MEI1: variants seen among roughly 807,000 people sequenced by gnomAD.
The protein encoded by MEI1 is meiosis inhibitor protein 1.
A neutral mutation model predicts 146.2 loss-of-function variants in MEI1; 103 were observed. The observed-to-expected ratio is 0.70, with a 90% CI of 0.60 to 0.83. The LOEUF is 0.83. Ranked by LOEUF, MEI1 falls within the 40% of genes least tolerant of loss-of-function variation. The pLI is 0.00. For synonymous variants in MEI1, 652 were observed against 628.2 expected (o/e 1.04, Z -0.57); for missense variants, 1,529 against 1,533.0 (o/e 1.00, Z 0.04).
chr22:41,699,517 T>C lies in MEI1; in HGVS notation c.-22T>C. 3 of 1,599,066 alleles carry C rather than the reference T, an allele frequency of 1.9e-6. No individual in the cohort carries two copies. Among genetic ancestry groups the C allele is most frequent in the Non-Finnish European group, 2.6e-6 (3 of 1,173,044 alleles). ...AGTCTGCGCGGGAAAGAGTGCCGCCTCAGCTGAGGGCAAGCGAGGAGATGG... is the reference window on the plus strand; with the variant it reads ...AGTCTGCGCGGGAAAGAGTGCCGCCCCAGCTGAGGGCAAGCGAGGAGATGG... On this transcript the variant is annotated 5_prime_UTR_variant, in exon 1 of 31. Coordinates refer to ENST00000401548, the MANE Select transcript of MEI1 (RefSeq NM_152513.4).
chr22:41,794,367 G>T lies in MEI1; in HGVS notation c.3428-4G>T. The T allele has an allele frequency of 1.9e-6, 3 of 1,613,294 alleles. No homozygotes were observed. Among genetic ancestry groups the T allele is most frequent in the Non-Finnish European group, 2.5e-6 (3 of 1,179,250 alleles). The stretch of plus-strand genomic sequence containing the variant: ...AAGCATTAACAACCCAGTGTTTCTT[G>T]AAGCTCTCCACGTGGCCTCCCAGCC... On this transcript the variant is annotated splice_polypyrimidine_tract_variant and splice_region_variant and intron_variant, in intron 27 of 30. Transcript: ENST00000401548.
intron 19 of MEI1, among the ~76,000 whole-genome samples, chr22:41,770,362 T>C (rs1206909240): frequency 6.6e-6 from 1 of 151,990 alleles, no homozygotes; most frequent in Non-Finnish European, 1.5e-5. Context: ...ATCATTCTTG[T>C]GTGATAAGCT....
chr22:41,784,920 T>TTTTA lies in MEI1; in HGVS notation c.3345+141_3345+144dup, dbSNP rs1163694143. On this transcript the variant is annotated intron_variant, in intron 26 of 30. Coordinates refer to ENST00000401548, the MANE Select transcript of MEI1 (RefSeq NM_152513.4). ...TTTTTAAAAAAATTATTTCTATTAT[T>TTTTA]TTTATTTTATTTATTTATTTATTTA... 3.2e-5 allele frequency: 13 copies of TTTTA among 403,172 alleles called. No individual in the cohort carries two copies. In the South Asian group the frequency reaches 3.9e-4, roughly 12 times the overall value. The allele number at this position is 403,172 out of a possible 1,614,324, so 25.0% of individuals were successfully genotyped here.
chr22:41,778,586 A>T (rs2075591089), intron 21 of MEI1, 122 bp from the exon 22 acceptor site: 2 of 671,712 alleles, frequency 3.0e-6, no homozygotes, highest in Non-Finnish European at 5.2e-6. Flanking sequence ...AAAACACCTC[A>T]CCCCTTAGGA....
chr22:41,793,984 T>A, intron 27 of MEI1, 74 bp downstream of exon 27: 2 of 1,335,392 alleles, frequency 1.5e-6, no homozygotes, highest in Non-Finnish European at 2.1e-6. Flanking sequence ...ACCCTCCTGC[T>A]CCAGCCTTCC....
At chr22:41,775,936 C>T in intron 20 of MEI1, 166 bp from the exon 21 acceptor site, 3 of 623,870 alleles carry the variant, frequency 4.8e-6, no homozygotes, top group Non-Finnish European at 5.5e-6. Flanking sequence ...GGCGTCAGTG[C>T]ACCTAGAAGA....
At chr22:41,721,444 C>A (rs1185275238) in intron 6 of MEI1, among the ~76,000 whole-genome samples, 2 of 151,452 alleles carry the variant, frequency 1.3e-5, no homozygotes, top group East Asian at 3.9e-4. Flanking sequence ...CGGGGTTTCA[C>A]CGTGTTAGCC....
intron 19 of MEI1, among the ~76,000 whole-genome samples, chr22:41,764,014 G>A (rs1022330471): frequency 2.2e-5 from 3 of 138,564 alleles, no homozygotes; most frequent in African/African-American, 5.3e-5. Context: ...TGGCAGGATC[G>A]CTGTGGCAGG....
chr22:41,702,149 A>C (rs886121594), intron 1 of MEI1, among the ~76,000 whole-genome samples: 5 of 152,164 alleles, frequency 3.3e-5, no homozygotes, highest in African/African-American at 1.2e-4. Context: ...TATTGAGCAC[A>C]CTTTTCTTTT....
intron 6 of MEI1, chr22:41,722,125 A>G (rs544554009): frequency 7.9e-5 from 12 of 151,100 alleles, no homozygotes; most frequent in South Asian, 4.2e-4. Flanking sequence ...CTTCTTTCAG[A>G]CAACACTTAA....
chr22:41,750,954 G>T (rs1313936076), intron 15 of MEI1, among the ~76,000 whole-genome samples: 2 of 152,234 alleles, frequency 1.3e-5, no homozygotes, highest in East Asian at 3.9e-4. Flanking sequence ...CTGGATGGGA[G>T]GCAAGTGTAG....
chr22:41,711,764 C>T (rs1023803455), intron 3 of MEI1, among the ~76,000 whole-genome samples: 8 of 152,076 alleles, frequency 5.3e-5, no homozygotes, highest in Non-Finnish European at 8.8e-5. Context: ...AAGCCACCAG[C>T]AGAAGTACCA....
At chr22:41,728,682 T>A (rs561994863) in intron 7 of MEI1, among the ~76,000 whole-genome samples, 1 of 151,584 alleles carries the variant, frequency 6.6e-6, no homozygotes, top group Non-Finnish European at 1.5e-5. Flanking sequence ...CTGGGCAACA[T>A]GGTGAAACCC....
In MEI1 at chr22:41,758,765, T is replaced by A. The variant is rs1246043477; in HGVS notation, c.2120+232T>A. ...TAGAAAGCCAGTGAGTATTCCTTGC[T>A]ATCCTTGAGGGTGTTGTTTGTCCAC... On this transcript the variant is annotated intron_variant, in intron 18 of 30. Transcript: ENST00000401548. 2.0e-5 allele frequency among the ~76,000 whole-genome samples: 3 copies of A among 152,358 alleles called. No homozygotes were observed. In the East Asian group the frequency reaches 5.8e-4, roughly 29 times the overall value.
intron 30 of MEI1, among the ~76,000 whole-genome samples, chr22:41,798,640 G>C (rs2076462490): frequency 1.3e-5 from 2 of 151,906 alleles, no homozygotes; most frequent in African/African-American, 4.8e-5. Context: ...GCCAAGGTGA[G>C]TGGATCACTT....
chr22:41,720,402 G>A (rs1273253881), intron 6 of MEI1, among the ~76,000 whole-genome samples: 1 of 152,008 alleles, frequency 6.6e-6, no homozygotes, highest in Non-Finnish European at 1.5e-5. Flanking sequence ...GTTATACTGG[G>A]AATTCCCACT....
intron 11 of MEI1, among the ~76,000 whole-genome samples, chr22:41,735,513 G>C (rs1353380641): frequency 1.3e-5 from 2 of 152,062 alleles, no homozygotes; most frequent in Admixed American, 6.6e-5. Flanking sequence ...GATTACAGGC[G>C]TGAGCCACCG....
At chr22:41,716,234 TG>T (rs1280760463) in intron 5 of MEI1, 88 bp downstream of exon 5, 6 of 856,942 alleles carry the variant, frequency 7.0e-6, no homozygotes, top group Non-Finnish European at 9.3e-6. Flanking sequence ...TCTGTACACC[TG>T]GGAAGTCATT....
intron 19 of MEI1, 127 bp downstream of exon 19, chr22:41,763,448 G>C (rs2074638086): frequency 1.9e-6 from 2 of 1,027,966 alleles, no homozygotes; most frequent in Non-Finnish European, 1.4e-6. Flanking sequence ...GGAGGTGTTA[G>C]GAGTGTGGAG....
Sources: allele counts gnomAD v4.1 joint callset (sites outside exome capture counted in the v4.1 genomes callset), GRCh38; gene constraint gnomAD v4.1.1; transcripts MANE v1.5; gene names NCBI Gene and HGNC (gene_info 2026-07-23, HGNC 2026-07-21).